PPP1R2: variants seen among roughly 807,000 people sequenced by gnomAD.
PPP1R2 encodes protein phosphatase inhibitor 2.
Under a neutral mutation model 29.9 loss-of-function variants are expected in PPP1R2, and 16 were observed. The ratio of observed to expected loss-of-function variants is 0.53; its 90% confidence interval spans 0.36 to 0.81. PPP1R2 has a LOEUF of 0.81. PPP1R2 is among the 30% of genes least tolerant of loss of function. The pLI, the probability that PPP1R2 is intolerant of heterozygous loss-of-function variation, is 0.00. For missense variants in PPP1R2, 197 were observed against 252.7 expected, an observed-to-expected ratio of 0.78 and a Z score of 1.49; for synonymous variants, 76 against 91.5, an observed-to-expected ratio of 0.83 and a Z score of 0.96.
At chr3:195,523,385 A>G (rs895323665) in intron 4 of PPP1R2, among the ~76,000 whole-genome samples, 27 of 152,252 alleles carry the variant, frequency 1.8e-4, no homozygotes, top group East Asian at 5.8e-4. Flanking sequence ...CAAACGCTCA[A>G]TGACTTGAAA....
chr3:195,540,068 G>A (rs535492492), intron 1 of PPP1R2, among the ~76,000 whole-genome samples: 22 of 152,328 alleles, frequency 1.4e-4, no homozygotes, highest in African/African-American at 5.3e-4. Context: ...ATAAAAGGTA[G>A]GGTTCATTCT....
At chr3:195,534,139 G>A (rs1417104848) in intron 1 of PPP1R2, among the ~76,000 whole-genome samples, 1 of 152,066 alleles carries the variant, frequency 6.6e-6, no homozygotes, top group African/African-American at 2.4e-5. Flanking sequence ...ACCATAGTGA[G>A]ACACTATCTC....
chr3:195,530,849 T>C (rs35777335), intron 1 of PPP1R2, among the ~76,000 whole-genome samples: 108,989 of 150,274 alleles, frequency 0.73, 39,439 homozygotes, highest in East Asian at 0.88. Context: ...TGAGACAGAG[T>C]TTTGCTCTTG....
At position 195,514,432 on chromosome 3, in the gene PPP1R2, A is replaced by G. The variant is rs1416276549; in HGVS notation, c.*2464T>C. 2 of 152,254 alleles carry G rather than the reference A, an allele frequency of 1.3e-5. No individual in the cohort carries two copies. The highest frequency in any genetic ancestry group is 6.5e-5 in the Admixed American group (1 of 15,286). 9.4% of individuals were successfully genotyped at this position (152,254 alleles called of 1,614,324 possible). ...AAATCCACACACAGGCAATTGTCAT[A>G]TTATTGTATTTTATTACAGTACGTG... On this transcript the variant is annotated 3_prime_UTR_variant, in exon 6 of 6. Transcript: ENST00000618156.
intron 4 of PPP1R2, 54 bp downstream of exon 4, chr3:195,523,638 A>G (rs983637953): frequency 8.3e-6 from 12 of 1,440,532 alleles, no homozygotes; most frequent in Non-Finnish European, 1.2e-5. Flanking sequence ...TAATGGATTT[A>G]TCTTAGCAAA....
At chr3:195,536,979 TAA>T (rs1024823267) in intron 1 of PPP1R2, among the ~76,000 whole-genome samples, 1 of 151,906 alleles carries the variant, frequency 6.6e-6, no homozygotes, top group Non-Finnish European at 1.5e-5. Context: ...AAGCAGAAAT[TAA>T]GTTTTCTTGA....
At chr3:195,524,937 C>T in intron 2 of PPP1R2, 41 bp from the exon 3 acceptor site, 3 of 1,531,396 alleles carry the variant, frequency 2.0e-6, no homozygotes, top group Non-Finnish European at 2.7e-6. Flanking sequence ...CTGAAACATA[C>T]ATTTTCAGCC....
rs1718853207 is a variant in PPP1R2, at chr3:195,523,681, A to C, written c.403+11T>G. 1.2e-6 allele frequency: 2 copies of C among 1,607,076 alleles called. No individual in the cohort carries two copies. ...AGCACCATGATGAAAGCAGTAAAGG[A>C]AATAAACTACCTCGTTCTTCAGGTG... On this transcript the variant is annotated intron_variant, in intron 4 of 5. Transcript: ENST00000618156.
chr3:195,522,880 T>C (rs1448128143), intron 4 of PPP1R2, among the ~76,000 whole-genome samples: 3 of 152,354 alleles, frequency 2.0e-5, no homozygotes, highest in Middle Eastern at 3.4e-3. Flanking sequence ...GTTTCTACCA[T>C]ATTTTCCTTC....
At chr3:195,524,027 G>A (rs1393500367) in intron 3 of PPP1R2, among the ~76,000 whole-genome samples, 2 of 151,754 alleles carry the variant, frequency 1.3e-5, no homozygotes, top group African/African-American at 4.8e-5. Flanking sequence ...GTTTGAGGTT[G>A]CAATGAGCTT....
At chr3:195,537,325 C>T (rs555092955) in intron 1 of PPP1R2, among the ~76,000 whole-genome samples, 5 of 152,112 alleles carry the variant, frequency 3.3e-5, no homozygotes, top group South Asian at 4.2e-4. Context: ...CTATTCAATG[C>T]TGTTTTAAAG....
At position 195,542,837 on chromosome 3, in the gene PPP1R2, G is replaced by C. The variant is rs1237248912; in HGVS notation, c.122+67C>G. The C allele has an allele frequency of 6.0e-6, 9 of 1,493,532 alleles. No homozygotes were observed. The African/African-American group carries it at 1.3e-4, about 21-fold the overall frequency. The allele number at this position is 1,493,532 out of a possible 1,614,324, so 92.5% of individuals were successfully genotyped here. A position where few individuals can be genotyped will look rare whatever the true frequency, so the allele number is the denominator to read the frequency against. On this transcript the variant is annotated intron_variant, in intron 1 of 5. Coordinates refer to ENST00000618156, the MANE Select transcript of PPP1R2 (RefSeq NM_006241.8). ...GCATCCACGCCGCCCGCCCGCCCCT[G>C]GGGTCTGGGTAGGTAACGGGCCCGG...
rs1718487797 is a variant in PPP1R2, at chr3:195,514,914, G to A, written c.*1982C>T. 6.1e-6 allele frequency: 1 copy of A among 163,814 alleles called. No individual in the cohort carries two copies. Among genetic ancestry groups the A allele is most frequent in the South Asian group, 1.8e-4 (1 of 5,612 alleles). 10.1% of individuals were successfully genotyped at this position (163,814 alleles called of 1,614,324 possible). A position where few individuals can be genotyped will look rare whatever the true frequency, so the allele number is the denominator to read the frequency against. ...TTTCTAAAAACCAGAAAATGAGTTT[G>A]TGATTTAAATTTCAAAAAATAGTTT... On this transcript the variant is annotated 3_prime_UTR_variant, in exon 6 of 6. Transcript: ENST00000618156.
At position 195,523,735 on chromosome 3, in the gene PPP1R2, T is replaced by G. The variant is rs766489942; in HGVS notation, c.360A>C (p.Glu120Asp). The G allele has an allele frequency of 7.4e-6, 12 of 1,614,184 alleles. No homozygotes were observed. Among genetic ancestry groups the G allele is most frequent in the Admixed American group, 5.0e-5 (3 of 60,026 alleles). The change falls in exon 4 of 6, where the codon GAA becomes GAC. Residue 120 changes from glutamate (E) to aspartate (D), a missense_variant. Around this residue, in one of 3 missense-constraint regions of PPP1R2, gnomAD observed 135 missense variants for 163.0 expected, o/e 0.83. Transcript: ENST00000618156. The part of the protein sequence containing the change: ...LEPKYRIQEQ[E>D]SSGEEDSDLS... Reference sequence around the variant, plus strand: ...GGTCACTATCCTCCTCTCCACTGCTTTCTTGTTCCTGAATCCGATACTTTG... The same window carrying G: ...GGTCACTATCCTCCTCTCCACTGCTGTCTTGTTCCTGAATCCGATACTTTG...
rs147296879 is a variant in PPP1R2, at chr3:195,527,603, T to C, written c.230+2191A>G. Reference sequence around the variant, plus strand: ...AAATCATGTCTGATCTTAATTCTCCTAGGATACTTATCCCCAACTAACACA... The same window carrying C: ...AAATCATGTCTGATCTTAATTCTCCCAGGATACTTATCCCCAACTAACACA... On this transcript the variant is annotated intron_variant, in intron 2 of 5. Coordinates refer to ENST00000618156, the MANE Select transcript of PPP1R2 (RefSeq NM_006241.8). Among the ~76,000 whole-genome samples the C allele has an allele frequency of 1.6e-4, 24 of 152,342 alleles. No homozygotes were observed. In the East Asian group the frequency reaches 4.4e-3, roughly 28 times the overall value.
intron 1 of PPP1R2, among the ~76,000 whole-genome samples, chr3:195,538,098 C>T (rs779982221): frequency 2.0e-5 from 3 of 152,236 alleles, no homozygotes; most frequent in Non-Finnish European, 4.4e-5. Flanking sequence ...AGGGGCACCA[C>T]CATTTACATG....
chr3:195,540,993 A>G (rs1185199701), intron 1 of PPP1R2, among the ~76,000 whole-genome samples: 2 of 152,252 alleles, frequency 1.3e-5, no homozygotes, highest in Admixed American at 1.3e-4. Context: ...ACCACTTGGA[A>G]CCAAACATCA....
At chr3:195,521,497 C>T (rs971261459) in intron 4 of PPP1R2, among the ~76,000 whole-genome samples, 3 of 151,600 alleles carry the variant, frequency 2.0e-5, no homozygotes, top group African/African-American at 7.3e-5. Context: ...TTCATGTTTT[C>T]AATGTTTCTT....
At chr3:195,523,667 G>T (rs748946073) in intron 4 of PPP1R2, 25 bp downstream of exon 4, 1 of 1,571,552 alleles carries the variant, frequency 6.4e-7, no homozygotes, top group Non-Finnish European at 8.8e-7. Flanking sequence ...GCACCATGAT[G>T]AAAGCAGTAA....
Sources: allele counts gnomAD v4.1 joint callset (sites outside exome capture counted in the v4.1 genomes callset), GRCh38; gene constraint gnomAD v4.1.1; regional missense constraint gnomAD v4.1.1; transcripts MANE v1.5; gene names NCBI Gene and HGNC (gene_info 2026-07-23, HGNC 2026-07-21).